Variants in CRYBG1 observed in about 807,000 individuals in gnomAD.
CRYBG1 encodes beta/gamma crystallin domain-containing protein 1.
In CRYBG1, 139 loss-of-function variants were observed where a neutral mutation model predicts 189.2. The observed-to-expected ratio is 0.73, with a 90% CI of 0.64 to 0.85. CRYBG1 has a LOEUF of 0.85. Ranked by LOEUF, CRYBG1 falls within the 40% of genes least tolerant of loss-of-function variation. The probability of loss-of-function intolerance (pLI) is 0.00; values close to 1 mark genes in which losing one functional copy is unlikely to be tolerated. For synonymous variants in CRYBG1, 1,023 were observed against 1,017.1 expected (o/e 1.01, Z -0.11); for missense variants, 2,611 against 2,675.8 (o/e 0.98, Z 0.53).
intron 2 of CRYBG1, among the ~76,000 whole-genome samples, chr6:106,480,274 A>T (rs1447862552): frequency 1.3e-5 from 2 of 152,086 alleles, no homozygotes; most frequent in Non-Finnish European, 2.9e-5. Flanking sequence ...AGGCCATAAA[A>T]GTGATGCAGT....
intron 2 of CRYBG1, among the ~76,000 whole-genome samples, chr6:106,491,650 C>G (rs2114493944): frequency 6.6e-6 from 1 of 152,204 alleles, no homozygotes; most frequent in South Asian, 2.1e-4. Flanking sequence ...TTCTTTTCCT[C>G]CCTCCATTTC....
intron 1 of CRYBG1, among the ~76,000 whole-genome samples, chr6:106,403,106 G>C (rs746349863): frequency 1.1e-4 from 16 of 152,126 alleles, no homozygotes; most frequent in Non-Finnish European, 2.1e-4. Context: ...GCTAAGACGG[G>C]GGAGGATTGC....
chr6:106,536,736 T>C (rs1774012162), intron 8 of CRYBG1, among the ~76,000 whole-genome samples: 1 of 152,256 alleles, frequency 6.6e-6, no homozygotes. Context: ...TTTATAATCA[T>C]ACTGTTTGTT....
At chr6:106,482,509 C>G (rs571706467) in intron 2 of CRYBG1, among the ~76,000 whole-genome samples, 1 of 152,146 alleles carries the variant, frequency 6.6e-6, no homozygotes, top group Non-Finnish European at 1.5e-5. Context: ...GGCATGGTGG[C>G]TCACGCCTAT....
At chr6:106,392,552 G>T (rs1770528611) in intron 1 of CRYBG1, among the ~76,000 whole-genome samples, 1 of 152,106 alleles carries the variant, frequency 6.6e-6, no homozygotes. Context: ...GGAAAGAGAT[G>T]GTGGAGGGAG....
intron 1 of CRYBG1, among the ~76,000 whole-genome samples, chr6:106,441,249 A>G (rs1771560852): frequency 1.3e-5 from 2 of 152,184 alleles, no homozygotes. Flanking sequence ...AGGAGGTTAG[A>G]GTGGTATTGG....
chr6:106,526,545 C>T (rs184001650), intron 6 of CRYBG1, among the ~76,000 whole-genome samples: 222 of 152,236 alleles, frequency 1.5e-3, no homozygotes, highest in African/African-American at 5.2e-3. Flanking sequence ...TATTAAAATG[C>T]TTTCCATTAC....
intron 3 of CRYBG1, among the ~76,000 whole-genome samples, chr6:106,513,582 T>G (rs1190369650): frequency 6.6e-6 from 1 of 152,244 alleles, no homozygotes; most frequent in East Asian, 1.9e-4. Context: ...GTATCTTGGT[T>G]GCTTCTTCCC....
At chr6:106,375,243 A>G (rs1166562760) in intron 1 of CRYBG1, among the ~76,000 whole-genome samples, 1 of 152,044 alleles carries the variant, frequency 6.6e-6, no homozygotes, top group Admixed American at 6.6e-5. Context: ...GAAATTAGCC[A>G]GGCGTGGTGG....
intron 1 of CRYBG1, among the ~76,000 whole-genome samples, chr6:106,399,776 C>A (rs959797881): frequency 6.6e-6 from 1 of 151,682 alleles, no homozygotes; most frequent in Non-Finnish European, 1.5e-5. Flanking sequence ...GCCACCTCAG[C>A]CTCCCGAGTA....
At position 106,569,653 on chromosome 6, in the gene CRYBG1, T is replaced by C. The variant is rs1774998052; in HGVS notation, c.*1087T>C. The C allele has an allele frequency of 6.6e-6, 1 of 152,254 alleles. No individual in the cohort carries two copies. The highest frequency in any genetic ancestry group is 1.5e-5 in the Non-Finnish European group (1 of 68,032). The allele number at this position is 152,254 out of a possible 1,614,324, so 9.4% of individuals were successfully genotyped here. On this transcript the variant is annotated 3_prime_UTR_variant, in exon 22 of 22. Transcript: ENST00000633556. ...AATTTATGAGCCATCCTTACTCATCTACAAGTGCTGAAGCAATGTTACATA... is the reference window on the plus strand; with the variant it reads ...AATTTATGAGCCATCCTTACTCATCCACAAGTGCTGAAGCAATGTTACATA...
At chr6:106,443,770 G>A (rs545073279) in intron 1 of CRYBG1, among the ~76,000 whole-genome samples, 1 of 152,036 alleles carries the variant, frequency 6.6e-6, no homozygotes, top group Non-Finnish European at 1.5e-5. Flanking sequence ...TAGAATACAT[G>A]AGATATTTTG....
At chr6:106,465,715 T>C (rs757784922) in intron 2 of CRYBG1, among the ~76,000 whole-genome samples, 1 of 152,252 alleles carries the variant, frequency 6.6e-6, no homozygotes, top group African/African-American at 2.4e-5. Flanking sequence ...CATCTCATTA[T>C]TATGTTGCTT....
intron 1 of CRYBG1, among the ~76,000 whole-genome samples, chr6:106,401,067 C>T (rs1770710486): frequency 6.6e-6 from 1 of 152,182 alleles, no homozygotes; most frequent in African/African-American, 2.4e-5. Flanking sequence ...CAAGCTCCTA[C>T]ATCATCCAAT....
intron 7 of CRYBG1, 36 bp downstream of exon 7, chr6:106,527,506 C>A: frequency 6.4e-7 from 1 of 1,574,030 alleles, no homozygotes; most frequent in Non-Finnish European, 8.6e-7. Flanking sequence ...ATTTATTCAG[C>A]TAATATTTAT....
chr6:106,383,311 C>A (rs139004071), intron 1 of CRYBG1, among the ~76,000 whole-genome samples: 1 of 152,086 alleles, frequency 6.6e-6, no homozygotes, highest in Non-Finnish European at 1.5e-5. Flanking sequence ...GTTTGAGAAC[C>A]AAGGATCTAG....
intron 1 of CRYBG1, among the ~76,000 whole-genome samples, chr6:106,381,184 TTAAC>T (rs1486310583): frequency 5.3e-5 from 8 of 152,198 alleles, no homozygotes; most frequent in African/African-American, 1.2e-4. Context: ...ATAGAAGAAT[TTAAC>T]TAATGACAAA....
At chr6:106,492,300 T>C (rs1249334665) in intron 2 of CRYBG1, among the ~76,000 whole-genome samples, 1 of 152,144 alleles carries the variant, frequency 6.6e-6, no homozygotes, top group Non-Finnish European at 1.5e-5. Context: ...ATACTAATTG[T>C]TTCATATCTT....
At chr6:106,417,749 T>C (rs1771051853) in intron 1 of CRYBG1, among the ~76,000 whole-genome samples, 1 of 152,212 alleles carries the variant, frequency 6.6e-6, no homozygotes, top group South Asian at 2.1e-4. Context: ...AGCTGGCCAC[T>C]CCAGGTGCCA....
Sources: gnomAD v4.1 joint callset for allele counts (sites outside exome capture counted in the v4.1 genomes callset) on GRCh38, gnomAD v4.1.1 for gene constraint, MANE v1.5 for transcripts, NCBI Gene and HGNC (gene_info 2026-07-23, HGNC 2026-07-21) for gene names.